The following GIGYF2 variants were observed in gnomAD, a reference collection of about 807,000 sequenced individuals.
GIGYF2 encodes the protein GRB10 interacting GYF protein 2.
In GIGYF2, 25 loss-of-function variants were observed where a neutral mutation model predicts 208.1. The ratio of observed to expected loss-of-function variants is 0.12; its 90% CI spans 0.09 to 0.17. GIGYF2 has a LOEUF of 0.17. GIGYF2 is among the 10% of genes least tolerant of loss of function. GIGYF2 has a pLI of 1.00. For synonymous variants in GIGYF2, 534 were observed against 543.8 expected, an observed-to-expected ratio of 0.98 and a Z score of 0.25; for missense variants, 1,302 against 1,579.4, an observed-to-expected ratio of 0.82 and a Z score of 2.98.
Position 232,787,288 on chromosome 2 carries a change from G to A in GIGYF2, c.671G>A (p.Gly224Glu). ...EDEDGGWRLA[G>E]SRRDGERWRP... The stretch of plus-strand genomic sequence containing the variant: ...GAAGATGGAGGTTGGCGACTAGCTG[G>A]ATCAAGGAGGGATGGAGAGAGGTGG... Residue 224 changes from glycine to glutamate, a missense_variant, in exon 9 of 29, where the codon GGA (glycine) becomes GAA (glutamate). This residue lies in a region of GIGYF2 where 189 missense variants were observed against 257.7 expected (regional missense o/e 0.73). Coordinates refer to ENST00000373563, the MANE Select transcript of GIGYF2 (RefSeq NM_001103146.3). 6.2e-7 allele frequency: 1 copy of A among 1,614,150 alleles called. No homozygotes were observed. Among genetic ancestry groups the A allele is most frequent in the Non-Finnish European group, 8.5e-7 (1 of 1,180,018 alleles).
intron 22 of GIGYF2, among the ~76,000 whole-genome samples, chr2:232,833,951 G>A (rs1701501956): frequency 6.6e-6 from 1 of 151,842 alleles, no homozygotes; most frequent in African/African-American, 2.4e-5. Context: ...TGGTGCTGGT[G>A]TGAATGAATA....
chr2:232,778,528 A>G (rs193283992), intron 8 of GIGYF2, among the ~76,000 whole-genome samples: 137 of 152,274 alleles, frequency 9.0e-4, no homozygotes, highest in Non-Finnish European at 1.8e-3. Context: ...ATTTAAAGTC[A>G]TTTCTGGTTG....
At chr2:232,794,616 G>A in intron 12 of GIGYF2, 132 bp from the exon 13 acceptor site, 3 of 749,674 alleles carry the variant, frequency 4.0e-6, no homozygotes, top group Admixed American at 1.8e-5. Context: ...CATAGAAGTA[G>A]CTTCACTGTT....
At chr2:232,755,275 A>G (rs1037684119) in intron 5 of GIGYF2, among the ~76,000 whole-genome samples, 3 of 152,230 alleles carry the variant, frequency 2.0e-5, no homozygotes, top group African/African-American at 4.8e-5. Context: ...GGCTCAAGCA[A>G]TTCGCCTGCC....
intron 1 of GIGYF2, among the ~76,000 whole-genome samples, chr2:232,698,717 T>C (rs1695715795): frequency 6.6e-6 from 1 of 152,218 alleles, no homozygotes; most frequent in Non-Finnish European, 1.5e-5. Context: ...TAGAAAAGTA[T>C]TTAAAAGTGG....
At chr2:232,718,996 CT>C (rs35821380) in intron 2 of GIGYF2, 2,990 of 145,268 alleles carry the variant, frequency 0.021, 104 homozygotes, top group African/African-American at 0.067. Flanking sequence ...TGTAGTAGCA[CT>C]TTTTTTTTTT....
chr2:232,804,974 T>C (rs1700515649), intron 14 of GIGYF2, among the ~76,000 whole-genome samples: 2 of 152,224 alleles, frequency 1.3e-5, no homozygotes, highest in Non-Finnish European at 2.9e-5. Flanking sequence ...ATATGTGATT[T>C]TTTTTTATTT....
At chr2:232,769,505 C>CAAA (rs34912964) in intron 8 of GIGYF2, among the ~76,000 whole-genome samples, 13 of 66,414 alleles carry the variant, frequency 2.0e-4, no homozygotes, top group Non-Finnish European at 2.9e-4. Context: ...GACTCCATCT[C>CAAA]AAAAAAAAAA....
intron 27 of GIGYF2, 52 bp from the exon 28 acceptor site, chr2:232,850,210 G>A: frequency 6.6e-7 from 1 of 1,526,664 alleles, no homozygotes; most frequent in Non-Finnish European, 9.1e-7. Flanking sequence ...TTCCTAGGGT[G>A]AGCCAAGTCT....
chr2:232,711,379 C>T lies in GIGYF2; in HGVS notation c.-44+7890C>T, dbSNP rs115368354. Among the ~76,000 whole-genome samples the T allele has an allele frequency of 5.2e-3, 778 of 150,922 alleles. 4 individuals carry two copies. Among genetic ancestry groups the T allele is most frequent in the African/African-American group, 0.018 (753 of 41,208 alleles). ...ACTTTTTGATCTTAGGATCTCTTTA[C>T]CCTCTTAAAAGTTATTGAGGGCCCC... On this transcript the variant is annotated intron_variant, in intron 2 of 28. Coordinates refer to ENST00000373563, the MANE Select transcript of GIGYF2 (RefSeq NM_001103146.3).
At chr2:232,738,833 G>A (rs1172061771) in intron 3 of GIGYF2, among the ~76,000 whole-genome samples, 1 of 152,048 alleles carries the variant, frequency 6.6e-6, no homozygotes, top group Non-Finnish European at 1.5e-5. Context: ...TATTTTTAAG[G>A]CTTTGGATGA....
intron 21 of GIGYF2, chr2:232,828,526 C>T (rs183378004): frequency 6.6e-6 from 1 of 152,160 alleles, no homozygotes; most frequent in African/African-American, 2.4e-5. Flanking sequence ...GATCATAGCT[C>T]ACTGCAGCCT....
chr2:232,698,923 C>T (rs144759538), intron 1 of GIGYF2, among the ~76,000 whole-genome samples: 1 of 152,252 alleles, frequency 6.6e-6, no homozygotes, highest in East Asian at 1.9e-4. Flanking sequence ...TTCATACATT[C>T]ATTTATTTGA....
intron 8 of GIGYF2, among the ~76,000 whole-genome samples, chr2:232,763,269 C>T (rs955114720): frequency 1.1e-4 from 17 of 152,000 alleles, no homozygotes; most frequent in African/African-American, 3.6e-4. Context: ...TCTCAGATCT[C>T]ATTAGTCTCA....
chr2:232,804,746 G>A (rs1199775783), intron 14 of GIGYF2, among the ~76,000 whole-genome samples: 1 of 152,094 alleles, frequency 6.6e-6, no homozygotes, highest in African/African-American at 2.4e-5. Context: ...ACCCACCTTG[G>A]CCTCCTAAAA....
At chr2:232,856,176 G>A (rs913434516) in intron 28 of GIGYF2, among the ~76,000 whole-genome samples, 21 of 152,012 alleles carry the variant, frequency 1.4e-4, no homozygotes, top group Non-Finnish European at 2.8e-4. Flanking sequence ...CTCATGATCC[G>A]CCTGCCTTGG....
At chr2:232,821,086 C>A (rs1247138074) in intron 21 of GIGYF2, among the ~76,000 whole-genome samples, 1 of 152,198 alleles carries the variant, frequency 6.6e-6, no homozygotes, top group African/African-American at 2.4e-5. Context: ...CTGCCTCAGC[C>A]TCCCAAATGC....
At chr2:232,810,124 A>G (rs1205934870) in intron 16 of GIGYF2, among the ~76,000 whole-genome samples, 1 of 152,152 alleles carries the variant, frequency 6.6e-6, no homozygotes, top group Non-Finnish European at 1.5e-5. Context: ...AGTAGCTGGG[A>G]CTACAGGCGT....
chr2:232,786,958 C>G (rs1699932148), intron 8 of GIGYF2, among the ~76,000 whole-genome samples, 192 bp from the exon 9 acceptor site: 1 of 151,914 alleles, frequency 6.6e-6, no homozygotes, highest in African/African-American at 2.4e-5. Context: ...AAAAAATTGC[C>G]CAGTCTCTGA....
Sources: allele counts gnomAD v4.1 joint callset (sites outside exome capture counted in the v4.1 genomes callset), GRCh38; gene constraint gnomAD v4.1.1; regional missense constraint gnomAD v4.1.1; transcripts MANE v1.5; gene names NCBI Gene and HGNC (gene_info 2026-07-23, HGNC 2026-07-21).